Variants in UQCC1 observed in about 807,000 individuals in gnomAD.
UQCC1 encodes the protein ubiquinol-cytochrome c reductase complex assembly factor 1.
In UQCC1, 38 loss-of-function variants were observed where a neutral mutation model predicts 48.0. The ratio of observed to expected loss-of-function variants is 0.79; its 90% CI spans 0.61 to 1.04. The LOEUF (loss-of-function observed/expected upper bound fraction) is 1.04. UQCC1 is among the 50% of genes least tolerant of loss of function. UQCC1 has a pLI of 0.00. For missense variants in UQCC1, 368 were observed against 381.8 expected (o/e 0.96, Z 0.30); for synonymous variants, 111 against 129.2 (o/e 0.86, Z 0.95).
intron 8 of UQCC1, chr20:35,309,231 A>G (rs763543491): frequency 1.2e-4 from 53 of 453,648 alleles, no homozygotes; most frequent in Admixed American, 3.3e-4. Flanking sequence ...CCAGGAGTTC[A>G]AGACCAGCCT....
chr20:35,362,725 T>A (rs2061620161), intron 6 of UQCC1, among the ~76,000 whole-genome samples: 1 of 152,062 alleles, frequency 6.6e-6, no homozygotes, highest in Admixed American at 6.6e-5. Flanking sequence ...TGTGCGTGTG[T>A]GTGTGTCTGT....
chr20:35,366,536 T>C (rs1352486897), intron 6 of UQCC1, 21 bp downstream of exon 6: 1 of 1,611,494 alleles, frequency 6.2e-7, no homozygotes, highest in Non-Finnish European at 8.5e-7. Context: ...TTTGGTGACT[T>C]CATTTAAATT....
intron 7 of UQCC1, among the ~76,000 whole-genome samples, chr20:35,336,789 A>C (rs1233313025): frequency 6.6e-6 from 1 of 152,238 alleles, no homozygotes; most frequent in African/African-American, 2.4e-5. Flanking sequence ...AAATGTTACT[A>C]ATCTCACAGG....
intron 1 of UQCC1, among the ~76,000 whole-genome samples, chr20:35,395,269 A>G (rs2062060776): frequency 6.6e-6 from 1 of 152,118 alleles, no homozygotes; most frequent in South Asian, 2.1e-4. Context: ...TTCTACACAC[A>G]TATTTGTTCC....
intron 1 of UQCC1, among the ~76,000 whole-genome samples, chr20:35,402,125 A>T (rs953145287): frequency 6.6e-6 from 1 of 152,148 alleles, no homozygotes; most frequent in Non-Finnish European, 1.5e-5. Context: ...GGAAGAAGAG[A>T]ATGTTTAACC....
chr20:35,404,354 A>G (rs2062216361), intron 1 of UQCC1, among the ~76,000 whole-genome samples: 2 of 140,148 alleles, frequency 1.4e-5, no homozygotes, highest in African/African-American at 2.7e-5. Context: ...TGGGTGACAG[A>G]GCGAGACTCC....
chr20:35,364,158 C>T (rs2061639526), intron 6 of UQCC1, among the ~76,000 whole-genome samples: 1 of 152,156 alleles, frequency 6.6e-6, no homozygotes. Flanking sequence ...TCCTATTATT[C>T]CCTCAATCTA....
intron 1 of UQCC1, among the ~76,000 whole-genome samples, chr20:35,396,187 G>A (rs2062076168): frequency 6.7e-6 from 1 of 149,820 alleles, no homozygotes; most frequent in African/African-American, 2.5e-5. Flanking sequence ...GTTTCACCAT[G>A]TTGACCAGGC....
intron 2 of UQCC1, among the ~76,000 whole-genome samples, chr20:35,389,569 AAAAGAAAAG>A (rs2061989469): frequency 6.6e-6 from 1 of 152,066 alleles, no homozygotes; most frequent in African/African-American, 2.4e-5. Context: ...TCTCAAAAAA[AAAAGAAAAG>A]AAAAGAAAAG....
At chr20:35,409,778 A>C (rs1455763734) in intron 1 of UQCC1, among the ~76,000 whole-genome samples, 2 of 151,800 alleles carry the variant, frequency 1.3e-5, no homozygotes, top group African/African-American at 4.8e-5. Context: ...GGAAAAAATA[A>C]AGCAAGACTA....
intron 9 of UQCC1, among the ~76,000 whole-genome samples, chr20:35,305,143 G>A (rs920468235): frequency 1.3e-5 from 2 of 152,222 alleles, no homozygotes; most frequent in Non-Finnish European, 2.9e-5. Flanking sequence ...AGGGTTAGCC[G>A]TGTGCCTGGG....
At chr20:35,368,006 T>C (rs1205798475) in intron 5 of UQCC1, among the ~76,000 whole-genome samples, 1 of 152,092 alleles carries the variant, frequency 6.6e-6, no homozygotes, top group African/African-American at 2.4e-5. Flanking sequence ...GGTCTCCCAC[T>C]GAATGTGCCC....
chr20:35,359,850 C>T (rs1245143610), intron 6 of UQCC1, among the ~76,000 whole-genome samples: 1 of 152,174 alleles, frequency 6.6e-6, no homozygotes, highest in East Asian at 1.9e-4. Context: ...AGCTGGCACA[C>T]TGACCCTTTT....
intron 7 of UQCC1, among the ~76,000 whole-genome samples, chr20:35,320,661 C>A (rs1033523828): frequency 3.3e-5 from 5 of 152,154 alleles, no homozygotes; most frequent in Admixed American, 6.5e-5. Flanking sequence ...CCTAGTAGAG[C>A]CAAGCTCCAC....
At chr20:35,378,755 C>T (rs1283637074) in intron 4 of UQCC1, among the ~76,000 whole-genome samples, 1 of 152,192 alleles carries the variant, frequency 6.6e-6, no homozygotes, top group African/African-American at 2.4e-5. Flanking sequence ...CAAACAAGAC[C>T]AATGACCTTG....
At position 35,402,821 on chromosome 20, in the gene UQCC1, T is replaced by C. The variant is rs189527803; in HGVS notation, c.25-8625A>G. ...CAATAACAAAAAATTACTCCAGTACTTTGGGAGGCCGAGGCAGGCGGACTG... is the reference window on the plus strand; with the variant it reads ...CAATAACAAAAAATTACTCCAGTACCTTGGGAGGCCGAGGCAGGCGGACTG... On this transcript the variant is annotated intron_variant, in intron 1 of 9. Transcript: ENST00000374385. 6.9e-3 allele frequency among the ~76,000 whole-genome samples: 1,035 copies of C among 150,968 alleles called. 16 individuals are homozygous for C. The highest frequency in any genetic ancestry group is 0.024 in the African/African-American group (989 of 41,080).
At chr20:35,389,940 T>C (rs1474274777) in intron 2 of UQCC1, among the ~76,000 whole-genome samples, 2 of 152,154 alleles carry the variant, frequency 1.3e-5, no homozygotes, top group Admixed American at 6.5e-5. Flanking sequence ...CAAATGTCCA[T>C]TGATCCAAAT....
chr20:35,334,067 C>T (rs1600892020), intron 7 of UQCC1, among the ~76,000 whole-genome samples: 1 of 152,168 alleles, frequency 6.6e-6, no homozygotes, highest in Non-Finnish European at 1.5e-5. Flanking sequence ...TAAAATTTTA[C>T]ATTCCTAATA....
chr20:35,345,760 A>G (rs540651749), intron 7 of UQCC1: 1 of 152,270 alleles, frequency 6.6e-6, no homozygotes, highest in Admixed American at 6.5e-5. Context: ...TTTCTATTCT[A>G]TGAGCATATG....
Sources: gnomAD v4.1 joint callset for allele counts (sites outside exome capture counted in the v4.1 genomes callset) on GRCh38, gnomAD v4.1.1 for gene constraint, MANE v1.5 for transcripts, NCBI Gene and HGNC (gene_info 2026-07-23, HGNC 2026-07-21) for gene names.